The following TTLL10 variants were observed in gnomAD, a reference collection of about 807,000 sequenced individuals.
TTLL10 encodes the protein tubulin tyrosine ligase like 10.
A neutral mutation model predicts 69.0 loss-of-function variants in TTLL10; 61 were observed. The observed-to-expected ratio is 0.88, with a 90% CI of 0.72 to 1.09. TTLL10 has a LOEUF of 1.09. Among genes scored for constraint, TTLL10 ranks in the 50% least tolerant of loss-of-function variants. The pLI, the probability that TTLL10 is intolerant of heterozygous loss-of-function variation, is 0.00. For missense variants in TTLL10, 962 were observed against 945.9 expected, an observed-to-expected ratio of 1.02 and a Z score of -0.22; for synonymous variants, 408 against 393.3, an observed-to-expected ratio of 1.04 and a Z score of -0.44.
At chr1:1,175,477 G>T in intron 3 of TTLL10, 1 of 361,784 alleles carries the variant, frequency 2.8e-6, no homozygotes, top group Non-Finnish European at 5.5e-6. Context: ...CGGCACGAAT[G>T]ATGTTTGGGG....
intron 13 of TTLL10, among the ~76,000 whole-genome samples, chr1:1,194,646 C>T (rs867005090): frequency 6.6e-6 from 1 of 152,204 alleles, no homozygotes; most frequent in South Asian, 2.1e-4. Flanking sequence ...CCACTGCCTG[C>T]CCACCTCACG....
At chr1:1,175,807 G>T in intron 3 of TTLL10, 1 of 393,304 alleles carries the variant, frequency 2.5e-6, no homozygotes, top group Non-Finnish European at 5.1e-6. Flanking sequence ...TGCAGGTGGA[G>T]AGAGGCTGCC....
Position 1,180,172 on chromosome 1 carries a change from C to A in TTLL10, c.338C>A (p.Pro113His), listed in dbSNP as rs1488310378. The A allele has an allele frequency of 1.2e-6, 2 of 1,611,000 alleles. No homozygotes were observed. The highest frequency in any genetic ancestry group is 2.2e-5 in the South Asian group (2 of 90,842). ...GAERASATPG[P>H]PGLLNSHRPA... Reference sequence around the variant, plus strand: ...GAAAGAGCCTCTGCCACACCCGGACCCCCTGGGCTCCTGAACAGCCACCGG... The same window carrying A: ...GAAAGAGCCTCTGCCACACCCGGACACCCTGGGCTCCTGAACAGCCACCGG... Residue 113 changes from proline to histidine, a missense_variant, in exon 6 of 16, where the codon CCC becomes CAC. By Grantham distance (77) the Pro-to-His change is moderately conservative (BLOSUM62 -2). Transcript: ENST00000379289.
At position 1,184,996 on chromosome 1, in the gene TTLL10, AT is replaced by A. The variant is rs767567429; in HGVS notation, c.1289del (p.Met430SerfsTer3). On this transcript the variant is annotated frameshift_variant, in exon 13 of 16. Coordinates refer to ENST00000379289, the MANE Select transcript of TTLL10 (RefSeq NM_001130045.2). LOFTEE classifies it high-confidence loss of function. Reference sequence around the variant, plus strand: ...CATGCAGAAGAAGAGCCCTCTGTACATGCTGCTGAAGGAGCACACGGTGTGG... The same window carrying A: ...CATGCAGAAGAAGAGCCCTCTGTACAGCTGCTGAAGGAGCACACGGTGTGG... ...QFMQKKSPLY[M>X]LLKEHTVWSM... 2 of 1,613,610 alleles carry A rather than the reference AT, an allele frequency of 1.2e-6. No homozygotes were observed. Among genetic ancestry groups the A allele is most frequent in the South Asian group, 2.2e-5 (2 of 90,984 alleles).
chr1:1,175,711 C>T, intron 3 of TTLL10: 1 of 457,110 alleles, frequency 2.2e-6, no homozygotes, highest in Non-Finnish European at 4.4e-6. Flanking sequence ...TTGCAGCAAC[C>T]CTGCGAGGCT....
At chr1:1,189,894 T>C (rs1357610459) in intron 13 of TTLL10, among the ~76,000 whole-genome samples, 3 of 152,050 alleles carry the variant, frequency 2.0e-5, no homozygotes, top group African/African-American at 7.2e-5. Context: ...AGGTGGATCA[T>C]GAGGTCAGGA....
chr1:1,190,739 C>T (rs1196629734), intron 13 of TTLL10, among the ~76,000 whole-genome samples: 2 of 152,130 alleles, frequency 1.3e-5, no homozygotes, highest in African/African-American at 4.8e-5. Flanking sequence ...TAGTGCTATA[C>T]ATTTTCCTCT....
At chr1:1,190,987 G>A (rs1317571706) in intron 13 of TTLL10, among the ~76,000 whole-genome samples, 2 of 151,974 alleles carry the variant, frequency 1.3e-5, no homozygotes, top group African/African-American at 4.8e-5. Flanking sequence ...CACCACGCCT[G>A]GCTAATTTTG....
In TTLL10 at chr1:1,184,064, C is replaced by T. The variant is rs776223261; in HGVS notation, c.1233C>T (p.Ser411=). ...TTAGCCTTTACGACCCCCATTCCAG[C>T]GACCTCGGCGGCCACTTGACCAACC... The part of the protein sequence containing the change: ...LTLSLYDPHS[S]DLGGHLTNQF... The change falls in exon 12 of 16, where the codon AGC becomes AGT. Residue 411 remains serine (S), a synonymous_variant. Transcript: ENST00000379289. The T allele has an allele frequency of 2.8e-5, 46 of 1,614,090 alleles. No individual in the cohort carries two copies. The Middle Eastern group carries it at 1.2e-3, about 40-fold the overall frequency.
intron 13 of TTLL10, among the ~76,000 whole-genome samples, chr1:1,189,596 C>G (rs1044964232): frequency 2.6e-5 from 4 of 152,134 alleles, no homozygotes; most frequent in African/African-American, 7.2e-5. Context: ...TAAGGTAACC[C>G]TGGCCTCATA....
intron 13 of TTLL10, among the ~76,000 whole-genome samples, chr1:1,192,841 T>C (rs1647925450): frequency 6.6e-6 from 1 of 152,234 alleles, no homozygotes; most frequent in South Asian, 2.1e-4. Flanking sequence ...GACACTCCAG[T>C]TGGTATGAGT....
intron 10 of TTLL10, 53 bp from the exon 11 acceptor site, chr1:1,182,823 G>C: frequency 6.7e-7 from 1 of 1,501,248 alleles, no homozygotes; most frequent in Non-Finnish European, 8.9e-7. Flanking sequence ...GCCCTAGGAG[G>C]GGCGTGGCTG....
intron 13 of TTLL10, among the ~76,000 whole-genome samples, chr1:1,194,737 C>T (rs1160654203): frequency 2.0e-5 from 3 of 152,268 alleles, no homozygotes; most frequent in Admixed American, 1.3e-4. Flanking sequence ...CTGATTTCGA[C>T]GTTCTCTGTC....
Position 1,178,173 on chromosome 1 carries a change from C to A in TTLL10, c.-27-1016C>A, listed in dbSNP as rs375841844. On this transcript the variant is annotated intron_variant, in intron 3 of 15. Transcript: ENST00000379289. ...CCCAGCCTGGAGCCTCAGGCCTACC[C>A]CAGCCTTCTCCAGCCTCAGAGCCCC... is the stretch of plus-strand genomic sequence containing the variant. 7.2e-5 allele frequency among the ~76,000 whole-genome samples: 11 copies of A among 152,166 alleles called. No homozygotes were observed. The East Asian group carries it at 1.4e-3, about 19-fold the overall frequency.
Position 1,180,748 on chromosome 1 carries a change from C to A in TTLL10, c.643C>A (p.Gln215Lys). Residue 215 changes from glutamine to lysine, a missense_variant, in exon 8 of 16, where the codon CAG (glutamine) becomes AAG (lysine). By Grantham distance (53) the Gln-to-Lys change is moderately conservative (BLOSUM62 1). Coordinates refer to ENST00000379289, the MANE Select transcript of TTLL10 (RefSeq NM_001130045.2). Reference sequence around the variant, plus strand: ...ACCTCCAGGAGAGCAGCTGCTGTACCAGCTTCCCAACAACAAGCTCCTCAC... The same window carrying A: ...ACCTCCAGGAGAGCAGCTGCTGTACAAGCTTCCCAACAACAAGCTCCTCAC... ...SFREGEQLLY[Q>K]LPNNKLLTTK... 6.2e-7 allele frequency: 1 copy of A among 1,607,970 alleles called. No homozygotes were observed. The highest frequency in any genetic ancestry group is 8.5e-7 in the Non-Finnish European group (1 of 1,177,686).
chr1:1,196,158 T>A (rs998870135), intron 13 of TTLL10, among the ~76,000 whole-genome samples: 12 of 152,232 alleles, frequency 7.9e-5, no homozygotes, highest in Admixed American at 2.6e-4. Flanking sequence ...AATTTTTTTT[T>A]ATAAATGAGG....
intron 13 of TTLL10, among the ~76,000 whole-genome samples, chr1:1,190,454 G>T (rs1406236895): frequency 6.7e-6 from 1 of 148,816 alleles, no homozygotes. Context: ...TTGAGATGGA[G>T]TCTTGCTCTG....
At chr1:1,176,411 C>T (rs1448054204) in intron 3 of TTLL10, 1 of 455,086 alleles carries the variant, frequency 2.2e-6, no homozygotes, top group Admixed American at 2.3e-5. Flanking sequence ...GGCACACAGT[C>T]ATCAGGTCAG....
chr1:1,187,028 A>G (rs1647387678), intron 13 of TTLL10, among the ~76,000 whole-genome samples: 1 of 150,648 alleles, frequency 6.6e-6, no homozygotes, highest in African/African-American at 2.4e-5. Context: ...TTGTATTTTT[A>G]GTAGAGACAG....
Sources: gnomAD v4.1 joint callset for allele counts (sites outside exome capture counted in the v4.1 genomes callset) on GRCh38, gnomAD v4.1.1 for gene constraint, MANE v1.5 for transcripts, NCBI Gene and HGNC (gene_info 2026-07-23, HGNC 2026-07-21) for gene names.